CLIP2: variants seen among roughly 807,000 people sequenced by gnomAD.
CLIP2 encodes CAP-Gly domain containing linker protein 2.
In CLIP2, 41 loss-of-function variants were observed where a neutral mutation model predicts 111.7. The ratio of observed to expected loss-of-function variants is 0.37; its 90% CI spans 0.29 to 0.48. The LOEUF is 0.48. Ranked by LOEUF, CLIP2 falls within the 20% of genes least tolerant of loss-of-function variation. The probability of loss-of-function intolerance (pLI) is 0.99; values close to 1 mark genes in which losing one functional copy is unlikely to be tolerated. For synonymous variants in CLIP2, 660 were observed against 644.2 expected (o/e 1.02, Z -0.37); for missense variants, 1,160 against 1,422.1 (o/e 0.82, Z 2.96).
chr7:74,298,583 A>G (rs559087505), intron 1 of CLIP2, among the ~76,000 whole-genome samples: 1 of 151,076 alleles, frequency 6.6e-6, no homozygotes, highest in Non-Finnish European at 1.5e-5. Context: ...GTTGGAGTGC[A>G]GTGGCGTGGC....
intron 1 of CLIP2, among the ~76,000 whole-genome samples, chr7:74,292,385 G>T (rs1267441999): frequency 6.6e-6 from 1 of 152,122 alleles, no homozygotes; most frequent in African/African-American, 2.4e-5. Context: ...ACTTTGTGGA[G>T]AATTGTTCTG....
chr7:74,360,132 C>T, intron 6 of CLIP2, 43 bp from the exon 7 acceptor site: 1 of 1,513,368 alleles, frequency 6.6e-7, no homozygotes, highest in Non-Finnish European at 9.0e-7. Context: ...ACCCCATACC[C>T]CGGAGCATGC....
At chr7:74,397,905 G>C (rs368212334) in intron 14 of CLIP2, among the ~76,000 whole-genome samples, 1 of 151,592 alleles carries the variant, frequency 6.6e-6, no homozygotes, top group South Asian at 2.1e-4. Context: ...CTGACCTTGT[G>C]ATCCTCCTGC....
rs113708042 is a variant in CLIP2 at position 74,395,662 on chromosome 7, T to C, written c.2721-1412T>C. ...TCAGGGCTTAGCACATTGTCACCTC[T>C]TCCTTGAAGCCTTTCTTGATTGATA... On this transcript the variant is annotated intron_variant, in intron 13 of 16. Coordinates refer to ENST00000223398, the MANE Select transcript of CLIP2 (RefSeq NM_003388.5). 1.4e-3 allele frequency among the ~76,000 whole-genome samples: 213 copies of C among 152,320 alleles called. 2 individuals are homozygous for C. Among genetic ancestry groups the C allele is most frequent in the African/African-American group, 4.8e-3 (198 of 41,580 alleles).
chr7:74,302,280 A>G (rs1463553239), intron 1 of CLIP2, among the ~76,000 whole-genome samples: 3 of 151,808 alleles, frequency 2.0e-5, no homozygotes, highest in Admixed American at 1.3e-4. Flanking sequence ...CAATGGCGCG[A>G]TATCAGCTCA....
chr7:74,360,326 G>A, intron 7 of CLIP2, 48 bp downstream of exon 7: 3 of 1,428,634 alleles, frequency 2.1e-6, no homozygotes, highest in Non-Finnish European at 2.9e-6. Flanking sequence ...CCTTAAGGAG[G>A]ATGAGGAAGA....
intron 16 of CLIP2, 39 bp from the exon 17 acceptor site, chr7:74,403,798 T>C: frequency 6.2e-7 from 1 of 1,612,318 alleles, no homozygotes; most frequent in Non-Finnish European, 8.5e-7. Flanking sequence ...CTCCAGGCTC[T>C]CTGAGACCCT....
intron 3 of CLIP2, among the ~76,000 whole-genome samples, chr7:74,340,971 C>T (rs1219437936): frequency 6.6e-6 from 1 of 152,064 alleles, no homozygotes; most frequent in Non-Finnish European, 1.5e-5. Flanking sequence ...CATATTGCTG[C>T]CTGGGATCCT....
At position 74,359,559 on chromosome 7, in the gene CLIP2, G is replaced by T. The variant is rs553822576; in HGVS notation, c.1216-616G>T. Among the ~76,000 whole-genome samples, 84 of 151,944 alleles carry T rather than the reference G, an allele frequency of 5.5e-4. 1 individual carries two copies. In the East Asian group the frequency reaches 0.014, roughly 26 times the overall value. ...TTTAGTAGAGATGGGGTTTCACCAT[G>T]TTAGCCAGGATGGTCTCAATCTCCT... On this transcript the variant is annotated intron_variant, in intron 6 of 16. Coordinates refer to ENST00000223398, the MANE Select transcript of CLIP2 (RefSeq NM_003388.5).
At chr7:74,349,547 C>T (rs1442523004) in intron 3 of CLIP2, among the ~76,000 whole-genome samples, 1 of 127,532 alleles carries the variant, frequency 7.8e-6, no homozygotes, top group African/African-American at 2.9e-5. Flanking sequence ...GGTAGTGATA[C>T]CTGCTGCAAT....
chr7:74,332,497 T>A (rs1789320537), intron 2 of CLIP2, among the ~76,000 whole-genome samples: 1 of 142,020 alleles, frequency 7.0e-6, no homozygotes, highest in Admixed American at 7.4e-5. Context: ...GGGGTCTTGC[T>A]ATGTTGTCCA....
chr7:74,367,760 C>T (rs1293512796), intron 8 of CLIP2, among the ~76,000 whole-genome samples: 2 of 152,152 alleles, frequency 1.3e-5, no homozygotes, highest in Non-Finnish European at 2.9e-5. Context: ...CTTACGGTTC[C>T]CATCTCAGAT....
In CLIP2 at chr7:74,357,303, C is replaced by T. The variant is rs200523836; in HGVS notation, c.1041C>T (p.Tyr347=). 9.8e-5 allele frequency: 158 copies of T among 1,613,928 alleles called. No homozygotes were observed. The highest frequency in any genetic ancestry group is 1.1e-4 in the Non-Finnish European group (130 of 1,179,932). Residue 347 remains tyrosine, a synonymous_variant, in exon 6 of 17, where the codon TAC becomes TAT. Coordinates refer to ENST00000223398, the MANE Select transcript of CLIP2 (RefSeq NM_003388.5). The part of the protein sequence containing the change: ...SGLLTETSSR[Y]ARKISGTTAL... ...AGCTCACGGAGACCTCTTCACGCTA[C>T]GCCCGCAAGATCTCGGGCACCACGG...
rs3044358 is a variant in CLIP2, at chr7:74,339,298, C to CTTATTTATTTATTTATTTAT, written c.678+297_678+316dup. Among the ~76,000 whole-genome samples the CTTATTTATTTATTTATTTAT allele has an allele frequency of 2.1e-3, 310 of 150,350 alleles. 1 individual carries two copies. The highest frequency in any genetic ancestry group is 3.3e-3 in the Non-Finnish European group (222 of 67,568). ...GATATTTATTTATTTACTTATTTTA[C>CTTATTTATTTATTTATTTAT]TTATTTATTTATTTATTTATTTTTG... On this transcript the variant is annotated intron_variant, in intron 3 of 16. Coordinates refer to ENST00000223398, the MANE Select transcript of CLIP2 (RefSeq NM_003388.5).
chr7:74,307,128 C>T (rs977047222), intron 1 of CLIP2, among the ~76,000 whole-genome samples: 1 of 152,244 alleles, frequency 6.6e-6, no homozygotes, highest in East Asian at 1.9e-4. Flanking sequence ...GGCTGCTCCC[C>T]CTCTGCACCC....
At position 74,403,897 on chromosome 7, in the gene CLIP2, C is replaced by T. The variant is rs782122890; in HGVS notation, c.*49C>T. ...GCCCAGTCCACACCAGAGCCCCACGCGGCTGCCCGGCAGTACCTCCTCCAG... is the reference window on the plus strand; with the variant it reads ...GCCCAGTCCACACCAGAGCCCCACGTGGCTGCCCGGCAGTACCTCCTCCAG... On this transcript the variant is annotated 3_prime_UTR_variant, in exon 17 of 17. Transcript: ENST00000223398. 3.9e-5 allele frequency: 63 copies of T among 1,605,190 alleles called. No individual in the cohort carries two copies. The highest frequency in any genetic ancestry group is 8.8e-5 in the South Asian group (8 of 90,982).
intron 8 of CLIP2, among the ~76,000 whole-genome samples, chr7:74,371,907 C>T (rs1790637455): frequency 6.6e-6 from 1 of 152,166 alleles, no homozygotes; most frequent in African/African-American, 2.4e-5. Context: ...TCCGTTTACA[C>T]CTTCACCAAT....
intron 5 of CLIP2, 122 bp from the exon 6 acceptor site, chr7:74,357,158 C>G: frequency 1.3e-6 from 1 of 770,256 alleles, no homozygotes; most frequent in Non-Finnish European, 2.2e-6. Context: ...GAGCAGGACC[C>G]TGGGAGTCAA....
chr7:74,401,580 T>C lies in CLIP2; in HGVS notation c.3129+13T>C, dbSNP rs1337626876. 6.2e-7 allele frequency: 1 copy of C among 1,613,098 alleles called. No homozygotes were observed. The highest frequency in any genetic ancestry group is 2.2e-5 in the East Asian group (1 of 44,882). On this transcript the variant is annotated intron_variant, in intron 16 of 16. Coordinates refer to ENST00000223398, the MANE Select transcript of CLIP2 (RefSeq NM_003388.5). Reference sequence around the variant, plus strand: ...TCAGAAACAAGAGGTGAGGGGCGCCTCGGGCCTCCCAGGTCCCTCCCGTGC... The same window carrying C: ...TCAGAAACAAGAGGTGAGGGGCGCCCCGGGCCTCCCAGGTCCCTCCCGTGC...
Sources: allele counts gnomAD v4.1 joint callset (sites outside exome capture counted in the v4.1 genomes callset), GRCh38; gene constraint gnomAD v4.1.1; transcripts MANE v1.5; gene names NCBI Gene and HGNC (gene_info 2026-07-23, HGNC 2026-07-21).